Variants in STON2 observed in about 807,000 individuals in gnomAD.
STON2 encodes stonin 2, also known as stonin-2.
STON2 carries 29 observed loss-of-function variants against 65.7 expected under a neutral mutation model. The observed-to-expected ratio is 0.44, with a 90% CI of 0.33 to 0.60. STON2 has a LOEUF of 0.60. Among genes scored for constraint, STON2 ranks in the 20% least tolerant of loss-of-function variants. The pLI is 0.03. For synonymous variants in STON2, 404 were observed against 414.2 expected, an observed-to-expected ratio of 0.98 and a Z score of 0.30; for missense variants, 1,054 against 1,118.1, an observed-to-expected ratio of 0.94 and a Z score of 0.82.
intron 6 of STON2, among the ~76,000 whole-genome samples, chr14:81,272,191 C>T (rs1162833728): frequency 6.6e-6 from 1 of 152,170 alleles, no homozygotes; most frequent in African/African-American, 2.4e-5. Context: ...CGCTGCACTC[C>T]AGCACGGGTG....
At chr14:81,389,256 G>C (rs1258672536) in intron 3 of STON2, among the ~76,000 whole-genome samples, 2 of 152,218 alleles carry the variant, frequency 1.3e-5, no homozygotes, top group East Asian at 1.9e-4. Context: ...AGTTTCCACT[G>C]TTCCTTTTTT....
chr14:81,278,543 T>C lies in STON2; in HGVS notation c.939A>G (p.Pro313=). The change falls in exon 6 of 8, where the codon CCA becomes CCG. Residue 313 remains proline (P), a synonymous_variant. Transcript: ENST00000614646. ...CATCTGGGATCACAGATGCACTTGGTGGTGTATTTGGCTTCAGAGGAGAGG... is the reference window on the plus strand; with the variant it reads ...CATCTGGGATCACAGATGCACTTGGCGGTGTATTTGGCTTCAGAGGAGAGG... ...PVTSPLKPNT[P]PSASVIPDVP... The C allele has an allele frequency of 6.2e-7, 1 of 1,613,062 alleles. No individual in the cohort carries two copies.
intron 2 of STON2, among the ~76,000 whole-genome samples, chr14:81,410,278 C>CAAAAAAAAAAAAAAAAAAAAAAA (rs1161157573): frequency 4.4e-5 from 2 of 45,778 alleles, no homozygotes; most frequent in Non-Finnish European, 9.7e-5. Flanking sequence ...TAACTCTAAC[C>CAAAAAAAAAAAAAAAAAAAAAAA]AAAAAAAAAA....
intron 5 of STON2, among the ~76,000 whole-genome samples, chr14:81,305,577 G>C (rs1173462164): frequency 1.3e-5 from 2 of 151,812 alleles, no homozygotes; most frequent in Non-Finnish European, 2.9e-5. Flanking sequence ...ATCTATAGAA[G>C]TTTTTTTTAT....
At chr14:81,348,736 T>G (rs920898093) in intron 4 of STON2, among the ~76,000 whole-genome samples, 1 of 152,038 alleles carries the variant, frequency 6.6e-6, no homozygotes, top group Non-Finnish European at 1.5e-5. Flanking sequence ...TTCTCAAAAA[T>G]AGAAAAAACG....
chr14:81,284,436 T>A (rs1449933312), intron 5 of STON2, among the ~76,000 whole-genome samples: 2 of 152,156 alleles, frequency 1.3e-5, no homozygotes, highest in African/African-American at 4.8e-5. Flanking sequence ...CAGAGCCTAA[T>A]TCAGAGGAAG....
intron 3 of STON2, among the ~76,000 whole-genome samples, chr14:81,390,715 A>G (rs139447960): frequency 7.2e-4 from 109 of 152,346 alleles, no homozygotes; most frequent in Middle Eastern, 6.8e-3. Context: ...TTAGTACATT[A>G]GTTTCCTATG....
chr14:81,407,637 A>C (rs1900934489), intron 2 of STON2, among the ~76,000 whole-genome samples: 1 of 152,220 alleles, frequency 6.6e-6, no homozygotes, highest in African/African-American at 2.4e-5. Flanking sequence ...AAACATCTTC[A>C]ACTAGATCCT....
intron 5 of STON2, among the ~76,000 whole-genome samples, chr14:81,278,979 T>C (rs1486159097): frequency 3.3e-5 from 5 of 152,332 alleles, no homozygotes; most frequent in Non-Finnish European, 7.4e-5. Flanking sequence ...AATACAGAAG[T>C]ATTGACTGGT....
At chr14:81,382,715 A>G (rs1286696870) in intron 3 of STON2, among the ~76,000 whole-genome samples, 1 of 152,234 alleles carries the variant, frequency 6.6e-6, no homozygotes, top group Non-Finnish European at 1.5e-5. Flanking sequence ...TTCAATAGGT[A>G]ATAAAACTTA....
At chr14:81,427,549 GCA>G in intron 1 of STON2, 1 of 152,164 alleles carries the variant, frequency 6.6e-6, no homozygotes, top group Non-Finnish European at 1.5e-5. Context: ...ATGATGGATG[GCA>G]CAGCTGGAGG....
intron 3 of STON2, among the ~76,000 whole-genome samples, chr14:81,391,632 G>A (rs962684693): frequency 2.0e-5 from 3 of 152,188 alleles, no homozygotes; most frequent in Non-Finnish European, 4.4e-5. Flanking sequence ...GTTCATTGAT[G>A]GGTCAAGTTG....
intron 3 of STON2, among the ~76,000 whole-genome samples, chr14:81,383,406 T>C (rs569671960): frequency 6.6e-6 from 1 of 152,348 alleles, no homozygotes; most frequent in African/African-American, 2.4e-5. Flanking sequence ...TGGTTATTAT[T>C]CTCAAACATA....
At chr14:81,412,969 C>T in intron 2 of STON2, 1 of 1,030,740 alleles carries the variant, frequency 9.7e-7, no homozygotes, top group South Asian at 1.5e-5. Flanking sequence ...CATGGGTAAC[C>T]ATGTGCGACC....
chr14:81,393,290 C>G (rs911508246), intron 3 of STON2, among the ~76,000 whole-genome samples: 1 of 152,132 alleles, frequency 6.6e-6, no homozygotes, highest in Non-Finnish European at 1.5e-5. Context: ...AATCCATGAC[C>G]TGAAGGCACG....
At chr14:81,320,577 A>C (rs1341028275) in intron 5 of STON2, among the ~76,000 whole-genome samples, 5 of 150,694 alleles carry the variant, frequency 3.3e-5, no homozygotes, top group African/African-American at 9.8e-5. Context: ...TACATCTTAC[A>C]TTCATTATTT....
At chr14:81,297,215 G>A (rs1895796844) in intron 5 of STON2, among the ~76,000 whole-genome samples, 1 of 152,186 alleles carries the variant, frequency 6.6e-6, no homozygotes, top group East Asian at 1.9e-4. Context: ...CTGTATGCCA[G>A]CTGGTCTGTC....
chr14:81,357,168 T>G (rs1898275537), intron 4 of STON2, among the ~76,000 whole-genome samples: 1 of 151,188 alleles, frequency 6.6e-6, no homozygotes. Flanking sequence ...AGGGCTAATA[T>G]CCAGAATCTA....
rs751222615 is a variant in STON2, at chr14:81,371,095, T to C, written c.464A>G (p.His155Arg). 3.2e-5 allele frequency: 51 copies of C among 1,614,124 alleles called. No individual in the cohort carries two copies. In the South Asian group the frequency reaches 5.4e-4, roughly 17 times the overall value. Residue 155 changes from histidine to arginine, a missense_variant, in exon 4 of 8, where the codon CAT becomes CGT. Transcript: ENST00000614646. The stretch of plus-strand genomic sequence containing the variant: ...GCTAGGACTGCTGGTGTCTTCAGAA[T>C]GGGTGGTCCAGCTGCTCTCAGAAGT... ...PLTSESSWTTHSEDTSSPSFG... is the reference protein window; with the variant it reads ...PLTSESSWTTRSEDTSSPSFG...
Sources: allele counts gnomAD v4.1 joint callset (sites outside exome capture counted in the v4.1 genomes callset), GRCh38; gene constraint gnomAD v4.1.1; transcripts MANE v1.5; gene names NCBI Gene and HGNC (gene_info 2026-07-23, HGNC 2026-07-21).